Variants in HSD17B4 observed in about 807,000 individuals in gnomAD.
The protein encoded by HSD17B4 is hydroxysteroid 17-beta dehydrogenase 4, also known as peroxisomal multifunctional enzyme type 2.
A neutral mutation model predicts 101.0 loss-of-function variants in HSD17B4; 70 were observed. The observed-to-expected ratio is 0.69, with a 90% CI of 0.57 to 0.85. The LOEUF (loss-of-function observed/expected upper bound fraction) is 0.85, where lower values mean the gene tolerates loss of function less well. HSD17B4 is among the 40% of genes least tolerant of loss of function. HSD17B4 has a pLI of 0.00. For synonymous variants in HSD17B4, 347 were observed against 297.1 expected (o/e 1.17, Z -1.73); for missense variants, 984 against 892.4 (o/e 1.10, Z -1.31).
chr5:119,536,365 T>C (rs567137217), intron 22 of HSD17B4, 58 bp from the exon 23 acceptor site: 1 of 1,513,622 alleles, frequency 6.6e-7, no homozygotes, highest in Admixed American at 1.7e-5. Context: ...TGGTTTATTT[T>C]ACCCTCATTT....
chr5:119,484,207 TA>T (rs566547735), intron 8 of HSD17B4, among the ~76,000 whole-genome samples: 4 of 152,002 alleles, frequency 2.6e-5, no homozygotes, highest in Non-Finnish European at 5.9e-5. Flanking sequence ...GACCCTCCCT[TA>T]AAAAGAAAAA....
chr5:119,493,174 T>C (rs1750275439), intron 10 of HSD17B4: 2 of 152,418 alleles, frequency 1.3e-5, no homozygotes, highest in African/African-American at 2.4e-5. Flanking sequence ...AGTGTCTGAC[T>C]ATTATGTTTA....
At position 119,452,502 on chromosome 5, in the gene HSD17B4, C is replaced by T. The variant is rs1754138109; in HGVS notation, c.-74C>T. ...ACCCTCGTCCCGCCCCCGCCATTCC[C>T]CGCCTCCTCCTGTCCCGCAGTCGGC... is the stretch of plus-strand genomic sequence containing the variant. On this transcript the variant is annotated 5_prime_UTR_variant, in exon 1 of 24. Transcript: ENST00000510025. The T allele has an allele frequency of 1.9e-6, 3 of 1,611,456 alleles. No homozygotes were observed. The highest frequency in any genetic ancestry group is 1.1e-5 in the South Asian group (1 of 90,982).
intron 2 of HSD17B4, chr5:119,471,488 C>G: frequency 4.2e-5 from 16 of 382,148 alleles, no homozygotes; most frequent in East Asian, 1.2e-4. Flanking sequence ...TCCAATTCCA[C>G]TTTCAACTCT....
intron 20 of HSD17B4, 116 bp from the exon 21 acceptor site, chr5:119,529,778 A>G (rs915043793): frequency 2.6e-5 from 18 of 684,038 alleles, no homozygotes; most frequent in African/African-American, 5.4e-5. Flanking sequence ...CTGGATTATT[A>G]TATTCTTTTT....
chr5:119,493,623 T>G, intron 10 of HSD17B4, 195 bp from the exon 11 acceptor site: 1 of 539,256 alleles, frequency 1.9e-6, no homozygotes, highest in Non-Finnish European at 3.3e-6. Flanking sequence ...GCTTCAAATG[T>G]TTCTTTAAAT....
chr5:119,471,622 T>C, intron 2 of HSD17B4: 1 of 1,231,422 alleles, frequency 8.1e-7, no homozygotes. Flanking sequence ...TTAGTAACTT[T>C]TTTATTGTTA....
intron 12 of HSD17B4, among the ~76,000 whole-genome samples, chr5:119,497,975 A>G (rs914244838): frequency 6.6e-6 from 1 of 152,158 alleles, no homozygotes; most frequent in African/African-American, 2.4e-5. Context: ...TAAGGGAAGC[A>G]TCGATATTGT....
chr5:119,522,818 C>T (rs1471527459), intron 17 of HSD17B4, among the ~76,000 whole-genome samples: 1 of 152,040 alleles, frequency 6.6e-6, no homozygotes, highest in Non-Finnish European at 1.5e-5. Context: ...CTGGAATTGC[C>T]ACTGGAAGAC....
intron 19 of HSD17B4, 101 bp downstream of exon 19, chr5:119,526,124 A>G (rs1753573332): frequency 1.3e-6 from 1 of 743,382 alleles, no homozygotes; most frequent in East Asian, 2.6e-5. Flanking sequence ...ATATTGTACT[A>G]CAGCAATGTA....
chr5:119,454,350 G>C (rs1055759263), intron 1 of HSD17B4, among the ~76,000 whole-genome samples: 4 of 151,058 alleles, frequency 2.6e-5, no homozygotes, highest in Non-Finnish European at 5.9e-5. Context: ...TCTGTACCCA[G>C]GCTGGAGTGC....
chr5:119,476,715 C>G (rs866689209), intron 6 of HSD17B4: 6 of 985,224 alleles, frequency 6.1e-6, no homozygotes, highest in Non-Finnish European at 7.2e-6. Context: ...GGTGCTGCAA[C>G]GGGACTGAGG....
At chr5:119,520,738 C>T (rs950059591) in intron 17 of HSD17B4, among the ~76,000 whole-genome samples, 1 of 151,904 alleles carries the variant, frequency 6.6e-6, no homozygotes, top group Non-Finnish European at 1.5e-5. Context: ...TAAGTCCATT[C>T]GAGGTCCTTC....
chr5:119,494,059 G>A (rs1750369503), intron 11 of HSD17B4, 113 bp downstream of exon 11: 8 of 1,035,416 alleles, frequency 7.7e-6, no homozygotes, highest in East Asian at 2.4e-5. Context: ...CACTTGAATC[G>A]TCTATAGCAT....
At chr5:119,500,770 G>A (rs1428686187) in intron 13 of HSD17B4, among the ~76,000 whole-genome samples, 1 of 152,120 alleles carries the variant, frequency 6.6e-6, no homozygotes, top group Non-Finnish European at 1.5e-5. Context: ...GAGGTATGAG[G>A]AGTATCATGA....
Position 119,518,404 on chromosome 5 carries a change from G to T in HSD17B4, c.1503+3358G>T, listed in dbSNP as rs552339777. Among the ~76,000 whole-genome samples the T allele has an allele frequency of 7.2e-5, 11 of 152,244 alleles. No individual in the cohort carries two copies. The South Asian group carries it at 2.3e-3, about 32-fold the overall frequency. On this transcript the variant is annotated intron_variant, in intron 17 of 23. Coordinates refer to ENST00000510025, the MANE Select transcript of HSD17B4 (RefSeq NM_000414.4). The stretch of plus-strand genomic sequence containing the variant: ...AAGAGCTGTAACACTCACTGTGAGG[G>T]TCCGCGGCTTCATTCTTGAAGTCAG...
intron 11 of HSD17B4, 35 bp from the exon 12 acceptor site, chr5:119,496,508 G>A (rs749504547): frequency 7.3e-6 from 8 of 1,093,356 alleles, no homozygotes; most frequent in Admixed American, 3.4e-5. Context: ...CTTTAACAAA[G>A]CTTTATTTTT....
chr5:119,509,542 C>G (rs1035563355), intron 16 of HSD17B4: 1 of 455,814 alleles, frequency 2.2e-6, no homozygotes, highest in African/African-American at 2.0e-5. Flanking sequence ...TTTATTTTTC[C>G]TAGTTTCTTC....
At chr5:119,477,658 A>G in intron 7 of HSD17B4, 157 bp downstream of exon 7, 1 of 655,278 alleles carries the variant, frequency 1.5e-6, no homozygotes, top group Non-Finnish European at 2.8e-6. Flanking sequence ...ACCCTCATTA[A>G]ATTGGTATAA....
Sources: gnomAD v4.1 joint callset for allele counts (sites outside exome capture counted in the v4.1 genomes callset) on GRCh38, gnomAD v4.1.1 for gene constraint, MANE v1.5 for transcripts, NCBI Gene and HGNC (gene_info 2026-07-23, HGNC 2026-07-21) for gene names.